The following EDC4 variants were observed in gnomAD, a reference collection of about 807,000 sequenced individuals.
The protein encoded by EDC4 is enhancer of mRNA-decapping protein 4.
In EDC4, 64 loss-of-function variants were observed where a neutral mutation model predicts 155.8. The ratio of observed to expected loss-of-function variants is 0.41; its 90% CI spans 0.34 to 0.51. EDC4 has a LOEUF of 0.51. Ranked by LOEUF, EDC4 falls within the 20% of genes least tolerant of loss-of-function variation. The pLI is 0.19. For missense variants in EDC4, 1,303 were observed against 1,812.5 expected, an observed-to-expected ratio of 0.72 and a Z score of 5.10; for synonymous variants, 684 against 716.8, an observed-to-expected ratio of 0.95 and a Z score of 0.73.
chr16:67,881,314 G>A lies in EDC4; in HGVS notation c.2686G>A (p.Gly896Ser), dbSNP rs1287675676. 1 of 1,614,126 alleles carries A rather than the reference G, an allele frequency of 6.2e-7. No homozygotes were observed. The highest frequency in any genetic ancestry group is 8.5e-7 in the Non-Finnish European group (1 of 1,180,022). Reference sequence around the variant, plus strand: ...CCTTGCCTCTGCTTCAGGAGGCTTTGGCACCAAAGTTCCTGCTCCACGGCT... The same window carrying A: ...CCTTGCCTCTGCTTCAGGAGGCTTTAGCACCAAAGTTCCTGCTCCACGGCT... ...ASLASASGGF[G>S]TKVPAPRLPA... The change falls in exon 20 of 29, where the codon GGC becomes AGC. Residue 896 changes from glycine (G) to serine (S), a missense_variant. Around this residue, in one of 5 missense-constraint regions of EDC4, gnomAD observed 527 missense variants for 757.0 expected, o/e 0.70. Coordinates refer to ENST00000358933, the MANE Select transcript of EDC4 (RefSeq NM_014329.5). This position sits in a 1 kb window ranked among gnomAD's most constrained non-coding sequence, Gnocchi z 5.4.
Position 67,882,277 on chromosome 16 carries a change from G to A in EDC4, c.3226G>A (p.Ala1076Thr), listed in dbSNP as rs749567560. 1.2e-5 allele frequency: 19 copies of A among 1,613,128 alleles called. No homozygotes were observed. The highest frequency in any genetic ancestry group is 8.8e-5 in the South Asian group (8 of 90,940). ...LSNSVATKLT[A>T]VEGSMKENIS... ...CAACTCAGTGGCTACCAAGCTCACA[G>A]CTGTGGAGGGCAGCATGAAAGAGAA... Residue 1076 changes from alanine to threonine, a missense_variant, in exon 24 of 29, where the codon GCT (alanine) becomes ACT (threonine). Around this residue, in one of 5 missense-constraint regions of EDC4, gnomAD observed 527 missense variants for 757.0 expected, o/e 0.70. Transcript: ENST00000358933. The surrounding 1 kb of genome is among the most constrained non-coding windows in gnomAD (Gnocchi z 7.2).
chr16:67,878,116 A>T lies in EDC4; in HGVS notation c.895-50A>T. 1 of 1,610,276 alleles carries T rather than the reference A, an allele frequency of 6.2e-7. No individual in the cohort carries two copies. Among genetic ancestry groups the T allele is most frequent in the Non-Finnish European group, 8.5e-7 (1 of 1,177,812 alleles). On this transcript the variant is annotated intron_variant, in intron 7 of 28. Coordinates refer to ENST00000358933, the MANE Select transcript of EDC4 (RefSeq NM_014329.5). This position sits in a 1 kb window ranked among gnomAD's most constrained non-coding sequence, Gnocchi z 5.2. ...CAGCTCATTGCCATCCTCACTTGGGAGGGGCTTGTTCTCACCTCTAGTCAG... is the reference window on the plus strand; with the variant it reads ...CAGCTCATTGCCATCCTCACTTGGGTGGGGCTTGTTCTCACCTCTAGTCAG...
chr16:67,884,466 T>A lies in EDC4; in HGVS notation c.*318T>A. 1 of 501,674 alleles carries A rather than the reference T, an allele frequency of 2.0e-6. No homozygotes were observed. Among genetic ancestry groups the A allele is most frequent in the Non-Finnish European group, 3.5e-6 (1 of 283,090 alleles). 31.1% of individuals were successfully genotyped at this position (501,674 alleles called of 1,614,324 possible). The stretch of plus-strand genomic sequence containing the variant: ...TGGATCTTTTTGTTTTTGAAAAACA[T>A]TGAGAAATTCAATTAAATGCTTTTG... On this transcript the variant is annotated 3_prime_UTR_variant, in exon 29 of 29. Coordinates refer to ENST00000358933, the MANE Select transcript of EDC4 (RefSeq NM_014329.5). The surrounding 1 kb of genome is among the most constrained non-coding windows in gnomAD (Gnocchi z 4.1).
Position 67,877,059 on chromosome 16 carries a change from G to A in EDC4, c.451+87G>A. 5.7e-6 allele frequency: 9 copies of A among 1,568,742 alleles called. No homozygotes were observed. The highest frequency in any genetic ancestry group is 2.2e-5 in the East Asian group (1 of 44,520). On this transcript the variant is annotated intron_variant, in intron 4 of 28. Coordinates refer to ENST00000358933, the MANE Select transcript of EDC4 (RefSeq NM_014329.5). The surrounding 1 kb of genome is among the most constrained non-coding windows in gnomAD (Gnocchi z 4.9). ...ACATCAGGCCACTCAGGCCTTAGGG[G>A]TACAATGGAAGGTTTGTCCATGCTG... is the stretch of plus-strand genomic sequence containing the variant.
rs1448404942 is a variant in EDC4, at chr16:67,880,426, GT to G, written c.2098-126del. 3.6e-6 allele frequency: 5 copies of G among 1,399,902 alleles called. No individual in the cohort carries two copies. Among genetic ancestry groups the G allele is most frequent in the Non-Finnish European group, 4.9e-6 (5 of 1,030,664 alleles). The allele number at this position is 1,399,902 out of a possible 1,614,324, so 86.7% of individuals were successfully genotyped here. The stretch of plus-strand genomic sequence containing the variant: ...ACCTCCTCTTCTTGGCTGTGGCCTC[GT>G]TTTTGACCTGTATCCCCACTTCCCT... On this transcript the variant is annotated intron_variant, in intron 17 of 28. Transcript: ENST00000358933. The surrounding 1 kb of genome is among the most constrained non-coding windows in gnomAD (Gnocchi z 5.2).
Position 67,880,150 on chromosome 16 carries a change from G to A in EDC4, c.2031G>A (p.Pro677=), listed in dbSNP as rs745986383. The A allele has an allele frequency of 1.3e-5, 21 of 1,612,806 alleles. No homozygotes were observed. The highest frequency in any genetic ancestry group is 5.0e-5 in the Admixed American group (3 of 59,950). Residue 677 remains proline, a synonymous_variant, in exon 17 of 29, where the codon CCG becomes CCA. Transcript: ENST00000358933. The surrounding 1 kb of genome is among the most constrained non-coding windows in gnomAD (Gnocchi z 5.2). ...MSSSGSLQAS[P]RGLLPGLLPA... is the part of the protein sequence containing the mutation. ...GCAGTGGCAGCCTTCAGGCAAGCCC[G>A]CGTGGCCTCCTGCCTGGCCTGCTCC...
At chr16:67,875,792 G>A (rs1299099897) in intron 1 of EDC4, 153 bp from the exon 2 acceptor site, 8 of 1,462,372 alleles carry the variant, frequency 5.5e-6, no homozygotes, top group African/African-American at 2.8e-5. Flanking sequence ...TTTATGGAAC[G>A]AGAGATGAAC....
chr16:67,883,987 C>T lies in EDC4; in HGVS notation c.4045C>T (p.His1349Tyr). The T allele has an allele frequency of 6.2e-7, 1 of 1,611,356 alleles. No individual in the cohort carries two copies. The highest frequency in any genetic ancestry group is 8.5e-7 in the Non-Finnish European group (1 of 1,178,058). Reference sequence around the variant, plus strand: ...GGAAGAGGCCGTGATGCACCTGGACCACAGTGACCCCATCACTCGGGACCA... The same window carrying T: ...GGAAGAGGCCGTGATGCACCTGGACTACAGTGACCCCATCACTCGGGACCA... ...YLEEAVMHLD[H>Y]SDPITRDHMG... Residue 1349 changes from histidine (H) to tyrosine (Y), a missense_variant, in exon 29 of 29, where the codon CAC (histidine) becomes TAC (tyrosine). This residue lies in a region of EDC4 where 527 missense variants were observed against 757.0 expected (regional missense o/e 0.70). Coordinates refer to ENST00000358933, the MANE Select transcript of EDC4 (RefSeq NM_014329.5). The surrounding 1 kb of genome is among the most constrained non-coding windows in gnomAD (Gnocchi z 5.3).
intron 1 of EDC4, among the ~76,000 whole-genome samples, chr16:67,873,841 A>G (rs1045058378): frequency 2.0e-5 from 3 of 152,106 alleles, no homozygotes; most frequent in African/African-American, 7.2e-5. Context: ...TCCAGTCTCA[A>G]TTCCGTGTTC....
rs775472710 is a variant in EDC4, at chr16:67,879,246, A to G, written c.1478A>G (p.His493Arg). 2.5e-6 allele frequency: 4 copies of G among 1,614,038 alleles called. No homozygotes were observed. Among genetic ancestry groups the G allele is most frequent in the African/African-American group, 1.3e-5 (1 of 74,904 alleles). ...ENDSLGADGTHGAGAMESAAG... is the reference protein window; with the variant it reads ...ENDSLGADGTRGAGAMESAAG... ...CACACTGTCCTTTCAGATGGTACCCATGGAGCCGGTGCCATGGAGTCTGCG... is the reference window on the plus strand; with the variant it reads ...CACACTGTCCTTTCAGATGGTACCCGTGGAGCCGGTGCCATGGAGTCTGCG... Residue 493 changes from histidine to arginine, a missense_variant, in exon 13 of 29, where the codon CAT becomes CGT. By Grantham distance (29) the His-to-Arg change is conservative (BLOSUM62 0). Transcript: ENST00000358933. The surrounding 1 kb of genome is among the most constrained non-coding windows in gnomAD (Gnocchi z 6.0).
chr16:67,879,052 C>T lies in EDC4; in HGVS notation c.1383C>T (p.Ser461=). 1 of 1,613,212 alleles carries T rather than the reference C, an allele frequency of 6.2e-7. No homozygotes were observed. The highest frequency in any genetic ancestry group is 8.5e-7 in the Non-Finnish European group (1 of 1,179,994). The change falls in exon 12 of 29, where the codon AGC becomes AGT. Residue 461 remains serine (S), a synonymous_variant. Coordinates refer to ENST00000358933, the MANE Select transcript of EDC4 (RefSeq NM_014329.5). The surrounding 1 kb of genome is among the most constrained non-coding windows in gnomAD (Gnocchi z 6.0). ...TCCTGCTCACCCACCCTGTGCTGAG[C>T]TTTGGTATCCAGGTTGTGAGTCGCT... The part of the protein sequence containing the change: ...SEFLLTHPVL[S]FGIQVVSRCR...
In EDC4 at chr16:67,880,199, C is replaced by T; in HGVS notation, c.2080C>T (p.Pro694Ser). 2 of 1,608,810 alleles carry T rather than the reference C, an allele frequency of 1.2e-6. No individual in the cohort carries two copies. Among genetic ancestry groups the T allele is most frequent in the Non-Finnish European group, 1.7e-6 (2 of 1,178,364 alleles). ...LLPAPADKLT[P>S]KGPGQVPTAT... ...CCCAGCCCCAGCTGACAAACTGACT[C>T]CCAAGGGGCCGGGCCAGGTGTGTGA... is the stretch of plus-strand genomic sequence containing the variant. Residue 694 changes from proline to serine, a missense_variant, in exon 17 of 29, where the codon CCC becomes TCC. Transcript: ENST00000358933. The surrounding 1 kb of genome is among the most constrained non-coding windows in gnomAD (Gnocchi z 5.2).
Position 67,883,034 on chromosome 16 carries a change from G to A in EDC4, c.3706G>A (p.Ala1236Thr). 6.2e-7 allele frequency: 1 copy of A among 1,613,872 alleles called. No individual in the cohort carries two copies. The highest frequency in any genetic ancestry group is 8.5e-7 in the Non-Finnish European group (1 of 1,180,000). ...GAGTGTGGCGCTCAAGGAGCAGCAG[G>A]CCGCCGTCACCTCCAGCATCATGCA... ...EVSVALKEQQ[A>T]AVTSSIMQAM... Residue 1236 changes from alanine (A) to threonine (T), a missense_variant, in exon 27 of 29, where the codon GCC becomes ACC. Ala to Thr is a moderately conservative substitution (Grantham distance 58). Around this residue, in one of 5 missense-constraint regions of EDC4, gnomAD observed 527 missense variants for 757.0 expected, o/e 0.70. Transcript: ENST00000358933. The surrounding 1 kb of genome is among the most constrained non-coding windows in gnomAD (Gnocchi z 5.3).
At position 67,883,195 on chromosome 16, in the gene EDC4, C is replaced by T. The variant is rs1245124794; in HGVS notation, c.3849+18C>T. 1 of 1,548,366 alleles carries T rather than the reference C, an allele frequency of 6.5e-7. No homozygotes were observed. The highest frequency in any genetic ancestry group is 2.4e-5 in the East Asian group (1 of 41,636). On this transcript the variant is annotated intron_variant, in intron 27 of 28. Transcript: ENST00000358933. This position sits in a 1 kb window ranked among gnomAD's most constrained non-coding sequence, Gnocchi z 5.3. Reference sequence around the variant, plus strand: ...TCCAGCAGGTACGATAGGCATTAGGCCCTGCTAAGGGTCACGTGTCTCTTG... The same window carrying T: ...TCCAGCAGGTACGATAGGCATTAGGTCCTGCTAAGGGTCACGTGTCTCTTG...
Position 67,878,527 on chromosome 16 carries a change from G to T in EDC4, c.1089-9G>T. The T allele has an allele frequency of 6.2e-7, 1 of 1,614,230 alleles. No homozygotes were observed. Among genetic ancestry groups the T allele is most frequent in the Non-Finnish European group, 8.5e-7 (1 of 1,180,040 alleles). The stretch of plus-strand genomic sequence containing the variant: ...CCAGCCAGTCACTCACTGCCTTGTT[G>T]CCTTGCAGTGTCCCTTTCTGGAGGT... On this transcript the variant is annotated splice_polypyrimidine_tract_variant and intron_variant, in intron 9 of 28. Coordinates refer to ENST00000358933, the MANE Select transcript of EDC4 (RefSeq NM_014329.5). This position sits in a 1 kb window ranked among gnomAD's most constrained non-coding sequence, Gnocchi z 5.2.
chr16:67,884,332 GC>G lies in EDC4; in HGVS notation c.*187del. ...TGTGGTAGTCAGAAGGTTTAGCTGGGCCCAGGGCAGGTATTGCGCCTGCTTG... is the reference window on the plus strand; with the variant it reads ...TGTGGTAGTCAGAAGGTTTAGCTGGGCCAGGGCAGGTATTGCGCCTGCTTG... On this transcript the variant is annotated 3_prime_UTR_variant, in exon 29 of 29. Transcript: ENST00000358933. This position sits in a 1 kb window ranked among gnomAD's most constrained non-coding sequence, Gnocchi z 4.1. The G allele has an allele frequency of 1.6e-6, 1 of 607,892 alleles. No individual in the cohort carries two copies. The highest frequency in any genetic ancestry group is 2.9e-5 in the East Asian group (1 of 34,802). The allele number at this position is 607,892 out of a possible 1,614,324, so 37.7% of individuals were successfully genotyped here.
At position 67,880,670 on chromosome 16, in the gene EDC4, C is replaced by T. The variant is rs200160404; in HGVS notation, c.2211C>T (p.Ser737=). ...CCCCTGATGTCATCTCCTCAGCTTCCACTGCCCTGTCCCAGGACATCCCTG... is the reference window on the plus strand; with the variant it reads ...CCCCTGATGTCATCTCCTCAGCTTCTACTGCCCTGTCCCAGGACATCCCTG... ...TRSPDVISSA[S]TALSQDIPEI... Residue 737 remains serine, a synonymous_variant, in exon 18 of 29, where the codon TCC becomes TCT. Coordinates refer to ENST00000358933, the MANE Select transcript of EDC4 (RefSeq NM_014329.5). The surrounding 1 kb of genome is among the most constrained non-coding windows in gnomAD (Gnocchi z 5.2). 6.2e-7 allele frequency: 1 copy of T among 1,614,224 alleles called. No individual in the cohort carries two copies. Among genetic ancestry groups the T allele is most frequent in the Non-Finnish European group, 8.5e-7 (1 of 1,180,028 alleles).
rs949666211 is a variant in EDC4, at chr16:67,873,086, T to C, written c.-176T>C. On this transcript the variant is annotated 5_prime_UTR_variant, in exon 1 of 29. Coordinates refer to ENST00000358933, the MANE Select transcript of EDC4 (RefSeq NM_014329.5). ...TCGTGGGTGCCGGAAGTGGAGGCGG[T>C]TGGTGGGGTTGGCGGGGCTCAGCGA... The C allele has an allele frequency of 2.3e-6, 1 of 428,756 alleles. No individual in the cohort carries two copies. The highest frequency in any genetic ancestry group is 2.1e-5 in the African/African-American group (1 of 48,108). The allele number at this position is 428,756 out of a possible 1,614,324, so 26.6% of individuals were successfully genotyped here.
In EDC4 at chr16:67,879,785, A is replaced by C; in HGVS notation, c.1821+11A>C. On this transcript the variant is annotated intron_variant, in intron 15 of 28. Coordinates refer to ENST00000358933, the MANE Select transcript of EDC4 (RefSeq NM_014329.5). This position sits in a 1 kb window ranked among gnomAD's most constrained non-coding sequence, Gnocchi z 6.0. Reference sequence around the variant, plus strand: ...GCCTCCTTGCAGCAGGTACTCTCCCAGGGTAGGGGGACCTGGGAATGCCTC... The same window carrying C: ...GCCTCCTTGCAGCAGGTACTCTCCCCGGGTAGGGGGACCTGGGAATGCCTC... The C allele has an allele frequency of 1.2e-6, 2 of 1,613,630 alleles. No homozygotes were observed. The highest frequency in any genetic ancestry group is 8.5e-7 in the Non-Finnish European group (1 of 1,179,662).
Sources: allele counts gnomAD v4.1 joint callset (sites outside exome capture counted in the v4.1 genomes callset), GRCh38; gene constraint gnomAD v4.1.1; regional missense constraint gnomAD v4.1.1; non-coding constraint Gnocchi (gnomAD v3.1); transcripts MANE v1.5; gene names NCBI Gene and HGNC (gene_info 2026-07-23, HGNC 2026-07-21).